Variants in CHAF1A observed in about 807,000 individuals in gnomAD.
CHAF1A encodes the protein CAF-1 subunit A.
CHAF1A carries 5 observed loss-of-function variants against 93.2 expected under a neutral mutation model. The observed-to-expected ratio is 0.05, with a 90% CI of 0.03 to 0.11. CHAF1A has a LOEUF of 0.11. Among genes scored for constraint, CHAF1A ranks in the 10% least tolerant of loss-of-function variants. The probability of loss-of-function intolerance (pLI) is 1.00; values close to 1 mark genes in which losing one functional copy is unlikely to be tolerated. For missense variants in CHAF1A, 1,102 were observed against 1,259.9 expected, an observed-to-expected ratio of 0.87 and a Z score of 1.90; for synonymous variants, 504 against 510.3, an observed-to-expected ratio of 0.99 and a Z score of 0.17.
In CHAF1A at chr19:4,418,051, A is replaced by T. The variant is rs148248949; in HGVS notation, c.992A>T (p.Glu331Val). 1.9e-6 allele frequency: 3 copies of T among 1,607,154 alleles called. No homozygotes were observed. In the African/African-American group the frequency reaches 4.0e-5, roughly 22 times the overall value. ...AAGAAATTCGTCAAAGGCTCTACAG[A>T]GAAGAACAAGCTCAGACTGCAAAGA... ...ITKKFVKGST[E>V]KNKLRLQRDQ... Residue 331 changes from glutamate to valine, a missense_variant, in exon 4 of 15, where the codon GAG becomes GTG. Around this residue, in one of 6 missense-constraint regions of CHAF1A, gnomAD observed 379 missense variants for 365.7 expected, o/e 1.04. Transcript: ENST00000301280.
intron 3 of CHAF1A, among the ~76,000 whole-genome samples, chr19:4,413,071 T>C (rs191602304): frequency 2.0e-5 from 3 of 151,248 alleles, no homozygotes; most frequent in African/African-American, 4.8e-5. Context: ...CCTAACTCTT[T>C]TTTATTTTTT....
rs139396940 is a variant in CHAF1A at position 4,437,140 on chromosome 19, C to T, written c.2673+3601C>T. Reference sequence around the variant, plus strand: ...GGGGCTCAGCAGTGCAGCGGACGCACGAAGGTCACACGTGAAGGAATGGAG... The same window carrying T: ...GGGGCTCAGCAGTGCAGCGGACGCATGAAGGTCACACGTGAAGGAATGGAG... On this transcript the variant is annotated intron_variant, in intron 13 of 14. Coordinates refer to ENST00000301280, the MANE Select transcript of CHAF1A (RefSeq NM_005483.3). Among the ~76,000 whole-genome samples, 796 of 151,956 alleles carry T rather than the reference C, an allele frequency of 5.2e-3. 11 individuals carry two copies. The highest frequency in any genetic ancestry group is 0.018 in the African/African-American group (762 of 41,258).
At chr19:4,413,062 C>T (rs946547498) in intron 3 of CHAF1A, among the ~76,000 whole-genome samples, 1 of 152,000 alleles carries the variant, frequency 6.6e-6, no homozygotes, top group African/African-American at 2.4e-5. Flanking sequence ...TAGTTGGTAC[C>T]TAACTCTTTT....
At chr19:4,424,407 A>G (rs1382124204) in intron 7 of CHAF1A, among the ~76,000 whole-genome samples, 6 of 152,124 alleles carry the variant, frequency 3.9e-5, no homozygotes, top group Non-Finnish European at 8.8e-5. Flanking sequence ...GTACTTAGCT[A>G]TCTCAGATTT....
At chr19:4,415,922 C>G (rs557914961) in intron 3 of CHAF1A, among the ~76,000 whole-genome samples, 1 of 152,178 alleles carries the variant, frequency 6.6e-6, no homozygotes, top group Admixed American at 6.5e-5. Context: ...GCCTTTAATC[C>G]CAGCACTTTG....
At position 4,409,367 on chromosome 19, in the gene CHAF1A, T is replaced by A; in HGVS notation, c.568T>A (p.Cys190Ser). 6.2e-7 allele frequency: 1 copy of A among 1,614,062 alleles called. No homozygotes were observed. Among genetic ancestry groups the A allele is most frequent in the Non-Finnish European group, 8.5e-7 (1 of 1,179,982 alleles). ...CAAAACAGAGGAGGAGGGTGTTGGC[T>A]GTGGAGGTGCAGGGAGGAGAGGCGA... ...PCKTEEEGVG[C>S]GGAGRRGDSQ... Residue 190 changes from cysteine (C) to serine (S), a missense_variant, in exon 3 of 15, where the codon TGT (cysteine) becomes AGT (serine). Cys to Ser is a moderately radical substitution (Grantham distance 112). Around this residue, in one of 6 missense-constraint regions of CHAF1A, gnomAD observed 379 missense variants for 365.7 expected, o/e 1.04. Transcript: ENST00000301280.
At chr19:4,408,632 G>A (rs243346) in intron 2 of CHAF1A, among the ~76,000 whole-genome samples, 77,992 of 150,490 alleles carry the variant, frequency 0.52, 20,640 homozygotes, top group Admixed American at 0.7. Flanking sequence ...TGCCACCATG[G>A]CCTGGCTAAT....
In CHAF1A at chr19:4,443,103, T is replaced by A; in HGVS notation, c.*78T>A. On this transcript the variant is annotated 3_prime_UTR_variant, in exon 15 of 15. Transcript: ENST00000301280. Reference sequence around the variant, plus strand: ...TACTTGAACCGACTCAATTCCTGTGTAAAGAGCACTTTGTCCTGCTTCACG... The same window carrying A: ...TACTTGAACCGACTCAATTCCTGTGAAAAGAGCACTTTGTCCTGCTTCACG... 1.1e-6 allele frequency: 1 copy of A among 937,832 alleles called. No homozygotes were observed. The highest frequency in any genetic ancestry group is 1.7e-6 in the Non-Finnish European group (1 of 586,198). 58.1% of individuals were successfully genotyped at this position (937,832 alleles called of 1,614,324 possible). A position where few individuals can be genotyped will look rare whatever the true frequency, so the allele number is the denominator to read the frequency against.
downstream of CHAF1A, chr19:4,445,757 C>G: frequency 2.1e-6 from 3 of 1,409,768 alleles, no homozygotes; most frequent in Non-Finnish European, 2.8e-6. Flanking sequence ...GTGGCTCGCA[C>G]CCAGGCCTCC....
chr19:4,430,063 G>A (rs1393142655), intron 10 of CHAF1A: 12 of 446,538 alleles, frequency 2.7e-5, no homozygotes, highest in Middle Eastern at 6.2e-4. Flanking sequence ...TGCCTCCTGC[G>A]GGCCTGCTGC....
chr19:4,438,141 G>A (rs1357047388), intron 13 of CHAF1A, among the ~76,000 whole-genome samples: 1 of 152,072 alleles, frequency 6.6e-6, no homozygotes, highest in Non-Finnish European at 1.5e-5. Flanking sequence ...CATGTCACGG[G>A]GGTTTGGTGT....
rs1306068615 is a variant in CHAF1A at position 4,422,535 on chromosome 19, G to T, written c.1018-31G>T. 1 of 1,547,172 alleles carries T rather than the reference G, an allele frequency of 6.5e-7. No individual in the cohort carries two copies. On this transcript the variant is annotated intron_variant, in intron 4 of 14. Transcript: ENST00000301280. This position sits in a 1 kb window ranked among gnomAD's most constrained non-coding sequence, Gnocchi z 4.6. ...CTTCCTCCTGGGAGTTGGAGGGAGGGCCACCTGTCACTTGCCACACTGTCT... is the reference window on the plus strand; with the variant it reads ...CTTCCTCCTGGGAGTTGGAGGGAGGTCCACCTGTCACTTGCCACACTGTCT...
chr19:4,428,334 T>C (rs1232162593), intron 7 of CHAF1A, among the ~76,000 whole-genome samples: 2 of 151,816 alleles, frequency 1.3e-5, no homozygotes, highest in African/African-American at 4.8e-5. Flanking sequence ...GAGATATAAT[T>C]TACATCCAAT....
In CHAF1A at chr19:4,429,378, G is replaced by A. The variant is rs1364183463; in HGVS notation, c.1605-60G>A. Reference sequence around the variant, plus strand: ...GCCAGCTTCACAGGGAGGTTCCTGGGAGGTTTGTGAGCAGGTCTGTAAGGC... The same window carrying A: ...GCCAGCTTCACAGGGAGGTTCCTGGAAGGTTTGTGAGCAGGTCTGTAAGGC... On this transcript the variant is annotated intron_variant, in intron 8 of 14. Transcript: ENST00000301280. The A allele has an allele frequency of 6.4e-6, 10 of 1,568,194 alleles. No homozygotes were observed. In the African/African-American group the frequency reaches 1.2e-4, roughly 19 times the overall value.
At chr19:4,403,902 C>T (rs1973633835) in intron 1 of CHAF1A, among the ~76,000 whole-genome samples, 1 of 152,238 alleles carries the variant, frequency 6.6e-6, no homozygotes, top group Admixed American at 6.5e-5. Flanking sequence ...GTTGCCCAAC[C>T]TCTGCCTCTC....
intron 4 of CHAF1A, among the ~76,000 whole-genome samples, chr19:4,421,487 A>C (rs1973990115): frequency 6.6e-6 from 1 of 152,204 alleles, no homozygotes; most frequent in Admixed American, 6.5e-5. Flanking sequence ...TATGAAAATC[A>C]CTTCTGTGGC....
intron 13 of CHAF1A, among the ~76,000 whole-genome samples, chr19:4,438,967 G>A (rs909291565): frequency 2.0e-5 from 3 of 151,966 alleles, no homozygotes; most frequent in African/African-American, 7.3e-5. Flanking sequence ...GGGCAACAGA[G>A]CGGGATTCTG....
At chr19:4,406,242 C>A (rs970338767) in intron 2 of CHAF1A, among the ~76,000 whole-genome samples, 5 of 152,196 alleles carry the variant, frequency 3.3e-5, no homozygotes, top group Admixed American at 1.3e-4. Flanking sequence ...CCTCTTCCCA[C>A]CGGATGCCAG....
At chr19:4,445,612 G>A (rs1487651895), downstream of CHAF1A, 1 of 1,613,178 alleles carries the variant, frequency 6.2e-7, no homozygotes, top group South Asian at 1.1e-5. Context: ...AGGTCAGGAG[G>A]GCAGAGGGCA....
Sources: allele counts gnomAD v4.1 joint callset (sites outside exome capture counted in the v4.1 genomes callset), GRCh38; gene constraint gnomAD v4.1.1; regional missense constraint gnomAD v4.1.1; non-coding constraint Gnocchi (gnomAD v3.1); transcripts MANE v1.5; gene names NCBI Gene and HGNC (gene_info 2026-07-23, HGNC 2026-07-21).